Variants in PAIP2 observed in about 807,000 individuals in gnomAD.
PAIP2 encodes polyadenylate-binding protein-interacting protein 2.
Under a neutral mutation model 14.8 loss-of-function variants are expected in PAIP2, and 7 were observed. The observed-to-expected ratio is 0.47, with a 90% CI of 0.27 to 0.89. The LOEUF is 0.89. Ranked by LOEUF, PAIP2 falls within the 40% of genes least tolerant of loss-of-function variation. PAIP2 has a pLI of 0.13. For missense variants in PAIP2, 122 were observed against 154.7 expected (o/e 0.79, Z 1.12); for synonymous variants, 47 against 45.3 (o/e 1.04, Z -0.15).
At chr5:139,365,974 C>T (rs1039203797) in intron 3 of PAIP2, among the ~76,000 whole-genome samples, 1 of 151,984 alleles carries the variant, frequency 6.6e-6, no homozygotes, top group Non-Finnish European at 1.5e-5. Flanking sequence ...CGCCGAGGCA[C>T]GCGGATCACG....
chr5:139,347,291 T>A (rs75491438), intron 1 of PAIP2, among the ~76,000 whole-genome samples: 309 of 148,026 alleles, frequency 2.1e-3, no homozygotes, highest in African/African-American at 7.3e-3. Context: ...TTTTTTTTTT[T>A]AAGACACAGT....
At chr5:139,361,935 C>A (rs1360066578) in intron 1 of PAIP2, among the ~76,000 whole-genome samples, 981 of 99,330 alleles carry the variant, frequency 9.9e-3, no homozygotes, top group East Asian at 0.025. Context: ...GACCCTGTCT[C>A]AAAAAAAAAA....
At chr5:139,364,807 C>A in intron 3 of PAIP2, 64 bp downstream of exon 3, 1 of 1,070,588 alleles carries the variant, frequency 9.3e-7, no homozygotes, top group Non-Finnish European at 1.4e-6. Flanking sequence ...GAAAAGCCAG[C>A]TCCCATCTAT....
chr5:139,348,329 CAG>C lies in PAIP2; in HGVS notation c.-27+6350_-27+6351del, dbSNP rs566694108. Among the ~76,000 whole-genome samples, 912 of 151,476 alleles carry C rather than the reference CAG, an allele frequency of 6.0e-3. 12 individuals are homozygous for C. The highest frequency in any genetic ancestry group is 0.018 in the African/African-American group (731 of 41,292). On this transcript the variant is annotated intron_variant, in intron 1 of 3. Coordinates refer to ENST00000265192, the MANE Select transcript of PAIP2 (RefSeq NM_016480.5). ...TCAGCCTTCTGAGTAGCTGGGACAA[CAG>C]GGGACCACCACCAAGCCTGGCTAAT...
intron 1 of PAIP2, among the ~76,000 whole-genome samples, chr5:139,345,351 T>G (rs1368229400): frequency 6.6e-6 from 1 of 152,112 alleles, no homozygotes; most frequent in Non-Finnish European, 1.5e-5. Context: ...GAGCCCATGT[T>G]TTTTAATCGT....
At chr5:139,368,591 C>G (rs1161326878) in intron 3 of PAIP2, 142 bp from the exon 4 acceptor site, 1 of 610,014 alleles carries the variant, frequency 1.6e-6, no homozygotes, top group African/African-American at 1.9e-5. Flanking sequence ...CTGGTTCTTC[C>G]TTTTTGGGGT....
intron 3 of PAIP2, 98 bp downstream of exon 3, chr5:139,364,841 C>T (rs1320948365): frequency 1.2e-6 from 1 of 803,128 alleles, no homozygotes; most frequent in East Asian, 2.6e-5. Context: ...ATCTCTTTCC[C>T]CTTCAGAAAT....
chr5:139,353,675 A>G (rs57586112), intron 1 of PAIP2, among the ~76,000 whole-genome samples: 1,617 of 151,848 alleles, frequency 0.011, 30 homozygotes, highest in African/African-American at 0.037. Context: ...TATACATTGT[A>G]TGTCCATTAA....
At chr5:139,363,961 T>C (rs748058285) in intron 2 of PAIP2, 39 bp downstream of exon 2, 1 of 1,570,036 alleles carries the variant, frequency 6.4e-7, no homozygotes, top group Non-Finnish European at 8.8e-7. Flanking sequence ...TAGTCCATTC[T>C]GGCCCTCAAT....
chr5:139,345,645 T>G (rs976786471), intron 1 of PAIP2, among the ~76,000 whole-genome samples: 11 of 150,458 alleles, frequency 7.3e-5, no homozygotes, highest in African/African-American at 2.7e-4. Context: ...TTTTTTTTTT[T>G]GAAACGGAGT....
At position 139,351,987 on chromosome 5, in the gene PAIP2, T is replaced by C. The variant is rs746489509; in HGVS notation, c.-27+10007T>C. Among the ~76,000 whole-genome samples the C allele has an allele frequency of 1.1e-4, 16 of 152,248 alleles. No individual in the cohort carries two copies. In the South Asian group the frequency reaches 3.3e-3, roughly 32 times the overall value. On this transcript the variant is annotated intron_variant, in intron 1 of 3. Coordinates refer to ENST00000265192, the MANE Select transcript of PAIP2 (RefSeq NM_016480.5). ...GCAAAGACCCTGCTGTCCAAAAATT[T>C]TCAAATGAATACTGAAAGCATAAAG...
At chr5:139,349,438 C>T (rs981242370) in intron 1 of PAIP2, among the ~76,000 whole-genome samples, 6 of 151,548 alleles carry the variant, frequency 4.0e-5, no homozygotes, top group African/African-American at 1.2e-4. Context: ...TAGTAGATAC[C>T]GGGTTTCGCC....
intron 3 of PAIP2, among the ~76,000 whole-genome samples, chr5:139,366,742 T>C (rs1283239698): frequency 2.0e-5 from 3 of 152,258 alleles, no homozygotes; most frequent in African/African-American, 4.8e-5. Flanking sequence ...TTCATTCTTC[T>C]GTTGCTCCCA....
At chr5:139,347,759 CTG>C (rs750530854) in intron 1 of PAIP2, among the ~76,000 whole-genome samples, 24 of 151,810 alleles carry the variant, frequency 1.6e-4, no homozygotes, top group East Asian at 1.9e-4. Flanking sequence ...TTTTAAAAAA[CTG>C]TGGTACATCC....
Position 139,364,670 on chromosome 5 carries a change from A to C in PAIP2, c.245A>C (p.Gln82Pro), listed in dbSNP as rs1050123443. ...EWFIPARDLP[Q>P]TMDQIQDQFN... ...TTTATTCCAGCTCGAGATCTCCCAC[A>C]AACTATGGACCAAATCCAAGACCAG... is the stretch of plus-strand genomic sequence containing the variant. Residue 82 changes from glutamine (Q) to proline (P), a missense_variant, in exon 3 of 4, where the codon CAA (glutamine) becomes CCA (proline). Gln to Pro is a moderately conservative substitution (Grantham distance 76). This residue lies in a region of PAIP2 where 34 missense variants were observed against 74.0 expected (regional missense o/e 0.46). Coordinates refer to ENST00000265192, the MANE Select transcript of PAIP2 (RefSeq NM_016480.5). 3 of 1,612,870 alleles carry C rather than the reference A, an allele frequency of 1.9e-6. No homozygotes were observed. Among genetic ancestry groups the C allele is most frequent in the Non-Finnish European group, 2.5e-6 (3 of 1,178,954 alleles).
At chr5:139,347,201 C>T (rs1042670257) in intron 1 of PAIP2, among the ~76,000 whole-genome samples, 2 of 149,134 alleles carry the variant, frequency 1.3e-5, no homozygotes, top group African/African-American at 2.5e-5. Flanking sequence ...GAAGCACAGA[C>T]ATCTCAGAAT....
Position 139,364,488 on chromosome 5 carries a change from T to C in PAIP2, c.139-76T>C, listed in dbSNP as rs994006266. ...TATGACTTTGTGCCTTTAAATGGTT[T>C]AGTTCAAGATATTTTAAGCCATTCC... On this transcript the variant is annotated intron_variant, in intron 2 of 3. Coordinates refer to ENST00000265192, the MANE Select transcript of PAIP2 (RefSeq NM_016480.5). 9.7e-6 allele frequency: 8 copies of C among 826,896 alleles called. No homozygotes were observed. In the Admixed American group the frequency reaches 1.9e-4, roughly 20 times the overall value. The allele number at this position is 826,896 out of a possible 1,614,324, so 51.2% of individuals were successfully genotyped here.
intron 1 of PAIP2, among the ~76,000 whole-genome samples, chr5:139,347,343 G>A (rs1415951945): frequency 7.3e-6 from 1 of 137,828 alleles, no homozygotes; most frequent in Non-Finnish European, 1.5e-5. Flanking sequence ...GCGCGATCTT[G>A]GCTCACTGCT....
chr5:139,362,993 C>T (rs565829298), intron 1 of PAIP2, among the ~76,000 whole-genome samples: 20 of 152,192 alleles, frequency 1.3e-4, no homozygotes, highest in African/African-American at 4.8e-4. Context: ...ATAATCTCAG[C>T]ACTTTGGGAG....
Sources: gnomAD v4.1 joint callset for allele counts (sites outside exome capture counted in the v4.1 genomes callset) on GRCh38, gnomAD v4.1.1 for gene constraint, gnomAD v4.1.1 regional missense constraint, MANE v1.5 for transcripts, NCBI Gene and HGNC (gene_info 2026-07-23, HGNC 2026-07-21) for gene names.